The following RYR2 variants were observed in gnomAD, a reference collection of about 807,000 sequenced individuals.
RYR2 encodes ryanodine receptor 2.
Under a neutral mutation model 601.1 loss-of-function variants are expected in RYR2, and 227 were observed. The observed-to-expected ratio is 0.38, with a 90% CI of 0.34 to 0.42. The LOEUF is 0.42. RYR2 is among the 10% of genes least tolerant of loss of function. The probability of loss-of-function intolerance (pLI) is 1.00; values close to 1 mark genes in which losing one functional copy is unlikely to be tolerated. For synonymous variants in RYR2, 2,223 were observed against 2,175.1 expected (o/e 1.02, Z -0.61); for missense variants, 4,646 against 6,156.5 (o/e 0.75, Z 8.21).
At chr1:237,728,924 C>T (rs1690439482) in intron 76 of RYR2, among the ~76,000 whole-genome samples, 1 of 151,956 alleles carries the variant, frequency 6.6e-6, no homozygotes, top group Non-Finnish European at 1.5e-5. Context: ...ACATTCTGCA[C>T]ATGTATCCCA....
chr1:237,381,004 G>C (rs1347115038), intron 8 of RYR2, among the ~76,000 whole-genome samples: 4 of 152,100 alleles, frequency 2.6e-5, no homozygotes, highest in Non-Finnish European at 2.9e-5. Context: ...CTTCAACCCA[G>C]GAGGCAGATG....
chr1:237,054,189 C>G (rs912364615), intron 1 of RYR2, among the ~76,000 whole-genome samples: 3 of 150,234 alleles, frequency 2.0e-5, no homozygotes, highest in Non-Finnish European at 4.4e-5. Context: ...CCCTCCCTCC[C>G]TTCTTCCCTT....
At position 237,674,255 on chromosome 1, in the gene RYR2, C is replaced by T. The variant is rs774833258; in HGVS notation, c.8714+36C>T. Reference sequence around the variant, plus strand: ...ACATACCCTAAGTACACACTCTTTTCACAAGAGTGAATATTTAAATATCTC... The same window carrying T: ...ACATACCCTAAGTACACACTCTTTTTACAAGAGTGAATATTTAAATATCTC... On this transcript the variant is annotated intron_variant, in intron 59 of 104. Transcript: ENST00000366574. 6 of 1,495,996 alleles carry T rather than the reference C, an allele frequency of 4.0e-6. No homozygotes were observed. In the South Asian group the frequency reaches 5.8e-5, roughly 14 times the overall value. The allele number at this position is 1,495,996 out of a possible 1,614,324, so 92.7% of individuals were successfully genotyped here. A position where few individuals can be genotyped will look rare whatever the true frequency, so the allele number is the denominator to read the frequency against.
intron 2 of RYR2, among the ~76,000 whole-genome samples, chr1:237,271,959 G>C (rs1424148071): frequency 6.6e-6 from 1 of 152,022 alleles, no homozygotes; most frequent in Non-Finnish European, 1.5e-5. Flanking sequence ...GTGAAACCCT[G>C]TCTCTATTAA....
At chr1:237,830,846 G>A (rs897964800) in intron 103 of RYR2, among the ~76,000 whole-genome samples, 4 of 152,190 alleles carry the variant, frequency 2.6e-5, no homozygotes, top group African/African-American at 9.6e-5. Flanking sequence ...ATGCTTTCTA[G>A]AACTTGAAAT....
intron 1 of RYR2, among the ~76,000 whole-genome samples, chr1:237,213,027 C>A (rs974388093): frequency 5.3e-5 from 8 of 152,138 alleles, no homozygotes; most frequent in African/African-American, 1.9e-4. Context: ...CCACCTTGGT[C>A]TCTCAAAGTG....
At chr1:237,256,423 T>C (rs942514923) in intron 1 of RYR2, among the ~76,000 whole-genome samples, 6 of 152,172 alleles carry the variant, frequency 3.9e-5, no homozygotes, top group African/African-American at 1.4e-4. Context: ...TGTATGGTGA[T>C]TATAGAAAGG....
intron 1 of RYR2, among the ~76,000 whole-genome samples, chr1:237,205,889 G>C (rs1489652343): frequency 1.3e-5 from 2 of 152,194 alleles, no homozygotes; most frequent in African/African-American, 4.8e-5. Flanking sequence ...CCGGAGGCTT[G>C]GCAAGATGCA....
chr1:237,674,039 T>G, intron 58 of RYR2, 57 bp from the exon 59 acceptor site: 2 of 1,420,102 alleles, frequency 1.4e-6, no homozygotes, highest in Non-Finnish European at 9.8e-7. Flanking sequence ...TATCTGTGTC[T>G]CATCTCAGAT....
At chr1:237,570,217 CA>C (rs371744146) in intron 29 of RYR2, among the ~76,000 whole-genome samples, 135 of 130,136 alleles carry the variant, frequency 1.0e-3, no homozygotes, top group Non-Finnish European at 9.2e-4. Context: ...GACTGCATCT[CA>C]AAAAAAAAAA....
At chr1:237,335,828 C>T (rs1397862927) in intron 3 of RYR2, among the ~76,000 whole-genome samples, 2 of 151,988 alleles carry the variant, frequency 1.3e-5, no homozygotes, top group South Asian at 2.1e-4. Context: ...TCCTCATGAT[C>T]GTGGGTATTG....
At chr1:237,755,046 A>G (rs1692834914) in intron 80 of RYR2, 1 of 1,284,542 alleles carries the variant, frequency 7.8e-7, no homozygotes, top group Admixed American at 2.3e-5. Context: ...ACCCTGATCA[A>G]TTTTGTTTTC....
chr1:237,343,651 A>C (rs1698028713), intron 3 of RYR2, among the ~76,000 whole-genome samples: 1 of 152,130 alleles, frequency 6.6e-6, no homozygotes, highest in Non-Finnish European at 1.5e-5. Context: ...GAATAGAAGT[A>C]TTTGTGTGAA....
intron 1 of RYR2, among the ~76,000 whole-genome samples, chr1:237,218,533 C>G (rs1683432459): frequency 6.6e-6 from 1 of 152,158 alleles, no homozygotes; most frequent in Non-Finnish European, 1.5e-5. Flanking sequence ...TTCTGGCATA[C>G]TTTGCCATCA....
At chr1:237,565,157 C>CTCTTTCTTTCTTTCTTTCTTTCTTTCTT (rs771045857) in intron 27 of RYR2, among the ~76,000 whole-genome samples, 1 of 52,868 alleles carries the variant, frequency 1.9e-5, no homozygotes, top group African/African-American at 4.8e-5. Context: ...TTCTTTCTTT[C>CTCTTTCTTTCTTTCTTTCTTTCTTTCTT]TCTTTCTTTC....
chr1:237,792,683 C>T (rs751403512), intron 94 of RYR2, among the ~76,000 whole-genome samples: 23 of 152,046 alleles, frequency 1.5e-4, no homozygotes, highest in Non-Finnish European at 2.8e-4. Context: ...TGGGAAGGGG[C>T]TATGGCCATG....
At chr1:237,596,335 A>G (rs1283810306) in intron 34 of RYR2, among the ~76,000 whole-genome samples, 1 of 152,230 alleles carries the variant, frequency 6.6e-6, no homozygotes. Context: ...TGAGATATTC[A>G]ATGAAGAAAT....
intron 61 of RYR2, among the ~76,000 whole-genome samples, chr1:237,679,344 C>A (rs1573486112): frequency 6.6e-6 from 1 of 152,116 alleles, no homozygotes; most frequent in East Asian, 1.9e-4. Context: ...TATTGAGTAC[C>A]TACTATGTTC....
chr1:237,673,974 A>G (rs1190466370), intron 58 of RYR2, 122 bp from the exon 59 acceptor site: 2 of 683,188 alleles, frequency 2.9e-6, no homozygotes, highest in East Asian at 5.2e-5. Flanking sequence ...AGAGTCTTAT[A>G]TGCTCTATGT....
Sources: gnomAD v4.1 joint callset for allele counts (sites outside exome capture counted in the v4.1 genomes callset) on GRCh38, gnomAD v4.1.1 for gene constraint, MANE v1.5 for transcripts, NCBI Gene and HGNC (gene_info 2026-07-23, HGNC 2026-07-21) for gene names.